The following MED13 variants were observed in gnomAD, a reference collection of about 807,000 sequenced individuals.
MED13 encodes the protein mediator complex subunit 13.
MED13 carries 23 observed loss-of-function variants against 225.2 expected under a neutral mutation model. The ratio of observed to expected loss-of-function variants is 0.10; its 90% CI spans 0.07 to 0.14. MED13 has a LOEUF of 0.14. MED13 is among the 10% of genes least tolerant of loss of function. The pLI is 1.00. For missense variants in MED13, 2,197 were observed against 2,594.5 expected (o/e 0.85, Z 3.33); for synonymous variants, 942 against 889.2 (o/e 1.06, Z -1.06).
At chr17:62,014,310 T>TATATATATATATATATATATATA (rs1555638734) in intron 8 of MED13, among the ~76,000 whole-genome samples, 58 of 143,104 alleles carry the variant, frequency 4.1e-4, no homozygotes, top group African/African-American at 1.3e-3. Flanking sequence ...GTATATGTTT[T>TATATATATATATATATATATATA]TATATATATA....
intron 9 of MED13, chr17:62,006,908 C>T (rs995243766): frequency 3.3e-5 from 5 of 151,150 alleles, no homozygotes; most frequent in African/African-American, 1.2e-4. Flanking sequence ...GCTTAGGAGA[C>T]AGAATGAGAC....
rs371363096 is a variant in MED13 at position 61,950,799 on chromosome 17, A to G, written c.6291+26T>C. 123 of 1,590,734 alleles carry G rather than the reference A, an allele frequency of 7.7e-5. No homozygotes were observed. The African/African-American group carries it at 1.5e-3, about 19-fold the overall frequency. ...CTTAGGCTGTCAATCAGAATTATTT[A>G]GGAACTGGGACAGAAATGGCAATAC... On this transcript the variant is annotated intron_variant, in intron 28 of 29. Coordinates refer to ENST00000397786, the MANE Select transcript of MED13 (RefSeq NM_005121.3).
intron 12 of MED13, among the ~76,000 whole-genome samples, chr17:61,985,954 G>A (rs1567960389): frequency 1.3e-5 from 2 of 152,146 alleles, no homozygotes; most frequent in Admixed American, 6.6e-5. Context: ...ACTTTTAGTA[G>A]ATTGAACAAA....
At chr17:62,004,800 A>C (rs1177490245) in intron 9 of MED13, 1 of 152,254 alleles carries the variant, frequency 6.6e-6, no homozygotes, top group Non-Finnish European at 1.5e-5. Context: ...GGAGACTAGT[A>C]ATCTCAGGCC....
intron 2 of MED13, among the ~76,000 whole-genome samples, chr17:62,061,206 T>A (rs1004126354): frequency 3.3e-5 from 5 of 152,066 alleles, no homozygotes; most frequent in Non-Finnish European, 5.9e-5. Context: ...CTTTTAACTT[T>A]CACAATATTT....
Position 61,984,766 on chromosome 17 carries a change from C to T in MED13, c.2576G>A (p.Ser859Asn). Reference protein sequence around the residue: ...PMNMNNKEYGSMDTTPGGTVL... With the variant: ...PMNMNNKEYGNMDTTPGGTVL... ...AGTTCCTCCAGGTGTTGTATCCATA[C>T]TACCATATTCTTTATTATTCATATT... The change falls in exon 14 of 30, where the codon AGT becomes AAT. Residue 859 changes from serine (S) to asparagine (N), a missense_variant. By Grantham distance (46) the Ser-to-Asn change is conservative. Transcript: ENST00000397786. 6.2e-7 allele frequency: 1 copy of T among 1,613,384 alleles called. No homozygotes were observed. The highest frequency in any genetic ancestry group is 8.5e-7 in the Non-Finnish European group (1 of 1,179,364).
At chr17:61,967,307 G>A (rs1385725490) in intron 18 of MED13, among the ~76,000 whole-genome samples, 1 of 152,086 alleles carries the variant, frequency 6.6e-6, no homozygotes, top group Non-Finnish European at 1.5e-5. Flanking sequence ...CTTTTTCTCT[G>A]AGAGGATTTT....
chr17:62,015,655 C>T (rs2143610200), intron 8 of MED13, among the ~76,000 whole-genome samples: 1 of 149,466 alleles, frequency 6.7e-6, no homozygotes, highest in South Asian at 2.1e-4. Context: ...CTCACTGTAA[C>T]CTCTGCCTCT....
intron 11 of MED13, among the ~76,000 whole-genome samples, chr17:61,991,115 TTTA>T (rs2080294710): frequency 6.6e-6 from 1 of 152,108 alleles, no homozygotes; most frequent in Non-Finnish European, 1.5e-5. Context: ...TTTTTCAATT[TTTA>T]TTTATTTATT....
In MED13 at chr17:62,011,240, A is replaced by G. The variant is rs761703504; in HGVS notation, c.1284-7T>C. On this transcript the variant is annotated splice_polypyrimidine_tract_variant and splice_region_variant and intron_variant, in intron 8 of 29. Transcript: ENST00000397786. Reference sequence around the variant, plus strand: ...TGACTTGAGATTTTTGTGCCTGAAAAGTGAAAATAAAGGTTTCATATTTAC... The same window carrying G: ...TGACTTGAGATTTTTGTGCCTGAAAGGTGAAAATAAAGGTTTCATATTTAC... 1.2e-6 allele frequency: 2 copies of G among 1,601,728 alleles called. No homozygotes were observed. Among genetic ancestry groups the G allele is most frequent in the Non-Finnish European group, 1.7e-6 (2 of 1,174,732 alleles).
At chr17:62,026,837 T>C (rs1254362763) in intron 8 of MED13, among the ~76,000 whole-genome samples, 1 of 152,044 alleles carries the variant, frequency 6.6e-6, no homozygotes, top group Non-Finnish European at 1.5e-5. Context: ...CCCAGTCACA[T>C]CTGCCACAAA....
In MED13 at chr17:61,950,864, T is replaced by C. The variant is rs777543704; in HGVS notation, c.6252A>G (p.Ala2084=). ...AGPLPDWFWS[A]CPQAQYQCPL... The stretch of plus-strand genomic sequence containing the variant: ...GACACTGATATTGTGCTTGAGGACA[T>C]GCTGACCAGAACCAGTCAGGTAATG... The change falls in exon 28 of 30, where the codon GCA becomes GCG. Residue 2084 remains alanine, a synonymous_variant. Coordinates refer to ENST00000397786, the MANE Select transcript of MED13 (RefSeq NM_005121.3). 8 of 1,613,768 alleles carry C rather than the reference T, an allele frequency of 5.0e-6. No individual in the cohort carries two copies. In the African/African-American group the frequency reaches 6.7e-5, roughly 13 times the overall value.
intron 8 of MED13, among the ~76,000 whole-genome samples, chr17:62,027,883 C>A (rs1199777141): frequency 6.6e-6 from 1 of 152,096 alleles, no homozygotes; most frequent in Non-Finnish European, 1.5e-5. Flanking sequence ...TCACACCAGT[C>A]AGAATGGCTA....
chr17:62,020,544 T>C (rs2080630411), intron 8 of MED13, among the ~76,000 whole-genome samples: 1 of 150,172 alleles, frequency 6.7e-6, no homozygotes, highest in Admixed American at 6.6e-5. Context: ...GCCCGGCTAA[T>C]TTTTTTTTGT....
At chr17:62,062,605 CACA>C (rs1568010405) in intron 2 of MED13, among the ~76,000 whole-genome samples, 113 of 41,410 alleles carry the variant, frequency 2.7e-3, no homozygotes, top group African/African-American at 0.018. Context: ...ACACACCACA[CACA>C]CACACACACA....
chr17:61,985,623 A>C (rs1332316562), intron 12 of MED13, among the ~76,000 whole-genome samples: 1 of 152,188 alleles, frequency 6.6e-6, no homozygotes, highest in East Asian at 1.9e-4. Context: ...GTGAGCCAGG[A>C]CTGCACCACT....
chr17:62,020,683 T>C (rs1297137068), intron 8 of MED13, among the ~76,000 whole-genome samples: 1 of 148,608 alleles, frequency 6.7e-6, no homozygotes, highest in Non-Finnish European at 1.5e-5. Context: ...CTGGCCTGCT[T>C]TCTTTTTTTT....
At chr17:61,948,315 C>T (rs1329768888) in intron 28 of MED13, among the ~76,000 whole-genome samples, 1 of 152,156 alleles carries the variant, frequency 6.6e-6, no homozygotes, top group African/African-American at 2.4e-5. Context: ...GGGTGAATGC[C>T]CGCTTTATAC....
chr17:62,025,292 A>T (rs2080690567), intron 8 of MED13, among the ~76,000 whole-genome samples: 1 of 152,242 alleles, frequency 6.6e-6, no homozygotes, highest in South Asian at 2.1e-4. Flanking sequence ...CTTATTTATC[A>T]ATACTGAAAT....
Sources: gnomAD v4.1 joint callset for allele counts (sites outside exome capture counted in the v4.1 genomes callset) on GRCh38, gnomAD v4.1.1 for gene constraint, MANE v1.5 for transcripts, NCBI Gene and HGNC (gene_info 2026-07-23, HGNC 2026-07-21) for gene names.